The following GRIK3 variants were observed in gnomAD, a reference collection of about 807,000 sequenced individuals.
The protein encoded by GRIK3 is glutamate receptor ionotropic, kainate 3.
A neutral mutation model predicts 102.5 loss-of-function variants in GRIK3; 29 were observed. The observed-to-expected ratio is 0.28, with a 90% confidence interval of 0.21 to 0.39. The LOEUF is 0.39. Among genes scored for constraint, GRIK3 ranks in the 10% least tolerant of loss-of-function variants. The probability of loss-of-function intolerance (pLI) is 1.00; values close to 1 mark genes in which losing one functional copy is unlikely to be tolerated. For missense variants in GRIK3, 908 were observed against 1,252.4 expected (o/e 0.73, Z 4.15); for synonymous variants, 511 against 504.9 (o/e 1.01, Z -0.16).
chr1:36,880,673 T>C lies in GRIK3; in HGVS notation c.511A>G (p.Lys171Glu). 2 of 1,614,082 alleles carry C rather than the reference T, an allele frequency of 1.2e-6. No homozygotes were observed. Among genetic ancestry groups the C allele is most frequent in the Non-Finnish European group, 1.7e-6 (2 of 1,179,960 alleles). Residue 171 changes from lysine to glutamate, a missense_variant, in exon 3 of 16, where the codon AAG (lysine) becomes GAG (glutamate). By Grantham distance (56) the Lys-to-Glu change is moderately conservative (BLOSUM62 1). Coordinates refer to ENST00000373091, the MANE Select transcript of GRIK3 (RefSeq NM_000831.4). The surrounding 1 kb of genome is among the most constrained non-coding windows in gnomAD (Gnocchi z 5.4). ...HAILDLVQYL[K>E]WRSATVVYDD... is the part of the protein sequence containing the mutation. ...TAGACCACGGTGGCTGACCGCCACT[T>C]GAGGTACTGGACCAGGTCGAGGATG... is the stretch of plus-strand genomic sequence containing the variant.
At chr1:36,854,564 C>T (rs1473220811) in intron 7 of GRIK3, among the ~76,000 whole-genome samples, 2 of 152,160 alleles carry the variant, frequency 1.3e-5, no homozygotes, top group Admixed American at 1.3e-4. Context: ...CAACCTGGCC[C>T]CTGGCTGCTT....
Position 36,999,098 on chromosome 1 carries a change from A to G in GRIK3, c.115+34896T>C, listed in dbSNP as rs1642449673. Among the ~76,000 whole-genome samples the G allele has an allele frequency of 2.0e-5, 3 of 151,998 alleles. No individual in the cohort carries two copies. In the South Asian group the frequency reaches 6.2e-4, roughly 32 times the overall value. ...CTGGGAGGGTGGCTCAGGGGAACAG[A>G]TGGGGCATGGAGTAGAGTGGAAGGT... On this transcript the variant is annotated intron_variant, in intron 1 of 15. Coordinates refer to ENST00000373091, the MANE Select transcript of GRIK3 (RefSeq NM_000831.4).
At position 36,933,924 on chromosome 1, in the gene GRIK3, C is replaced by A. The variant is rs536846249; in HGVS notation, c.116-42828G>T. On this transcript the variant is annotated intron_variant, in intron 1 of 15. Transcript: ENST00000373091. The stretch of plus-strand genomic sequence containing the variant: ...TCCACTTGAGCATCTCGCCCCCCAC[C>A]ACCTCATCTTTATGCCCCACTGTGG... Among the ~76,000 whole-genome samples, 8 of 152,318 alleles carry A rather than the reference C, an allele frequency of 5.3e-5. No homozygotes were observed. The East Asian group carries it at 1.5e-3, about 29-fold the overall frequency.
At chr1:36,867,561 G>A (rs1014964402) in intron 5 of GRIK3, among the ~76,000 whole-genome samples, 3 of 152,140 alleles carry the variant, frequency 2.0e-5, no homozygotes, top group Non-Finnish European at 4.4e-5. Flanking sequence ...TCTGCCCATG[G>A]GTAGAGAGAA....
intron 1 of GRIK3, among the ~76,000 whole-genome samples, chr1:37,022,372 G>C (rs1048033449): frequency 1.3e-5 from 2 of 152,230 alleles, no homozygotes; most frequent in African/African-American, 4.8e-5. Flanking sequence ...AAGTGGGAAG[G>C]AGAGAGGGGT....
At chr1:36,979,167 A>T (rs1642223396) in intron 1 of GRIK3, among the ~76,000 whole-genome samples, 1 of 152,252 alleles carries the variant, frequency 6.6e-6, no homozygotes. Flanking sequence ...CCTCCAATTT[A>T]ATAGACCAGT....
intron 1 of GRIK3, among the ~76,000 whole-genome samples, chr1:36,977,147 G>T (rs1642204229): frequency 6.6e-6 from 1 of 152,206 alleles, no homozygotes; most frequent in Admixed American, 6.5e-5. Flanking sequence ...CCATTTGCCA[G>T]CTCAGTGCAA....
chr1:36,835,109 G>A (rs138680082), intron 10 of GRIK3, among the ~76,000 whole-genome samples: 2 of 152,322 alleles, frequency 1.3e-5, no homozygotes, highest in African/African-American at 4.8e-5. Context: ...GTCTGCCTGG[G>A]TCACCCTCAC....
At chr1:36,966,549 G>C (rs976372781) in intron 1 of GRIK3, among the ~76,000 whole-genome samples, 2 of 152,074 alleles carry the variant, frequency 1.3e-5, no homozygotes, top group Non-Finnish European at 2.9e-5. Flanking sequence ...GTTAGCGGGG[G>C]AGTGAAGGTG....
In GRIK3 at chr1:36,804,976, C is replaced by G. The variant is rs1248856791; in HGVS notation, c.2565+11G>C. On this transcript the variant is annotated intron_variant, in intron 15 of 15. Transcript: ENST00000373091. ...TCCCATCCTGTGCAGGCTCCAAGCT[C>G]TAAGGCTTACCTGCTCTCTCTCTGC... 6.2e-7 allele frequency: 1 copy of G among 1,614,046 alleles called. No individual in the cohort carries two copies. Among genetic ancestry groups the G allele is most frequent in the Middle Eastern group, 1.7e-4 (1 of 6,060 alleles).
chr1:36,855,159 G>C (rs1640636096), intron 7 of GRIK3, among the ~76,000 whole-genome samples: 1 of 152,222 alleles, frequency 6.6e-6, no homozygotes, highest in Non-Finnish European at 1.5e-5. Flanking sequence ...GAGAGGGTAG[G>C]GGAGGGAGGG....
chr1:36,999,101 G>T (rs186620094), intron 1 of GRIK3, among the ~76,000 whole-genome samples: 1 of 152,202 alleles, frequency 6.6e-6, no homozygotes, highest in African/African-American at 2.4e-5. Flanking sequence ...GGAACAGATG[G>T]GGCATGGAGT....
chr1:36,805,766 G>A (rs1014842368), intron 14 of GRIK3, among the ~76,000 whole-genome samples: 63 of 151,444 alleles, frequency 4.2e-4, no homozygotes, highest in African/African-American at 1.5e-3. Context: ...GAGAAACCCC[G>A]TCTCTACTAA....
chr1:36,820,440 A>C (rs1642683343), intron 11 of GRIK3, among the ~76,000 whole-genome samples: 1 of 152,240 alleles, frequency 6.6e-6, no homozygotes, highest in Admixed American at 6.5e-5. Flanking sequence ...ACTCCTAAAG[A>C]CATAACTATT....
intron 1 of GRIK3, among the ~76,000 whole-genome samples, chr1:36,900,013 T>A (rs1054360716): frequency 1.3e-5 from 2 of 152,148 alleles, no homozygotes; most frequent in African/African-American, 4.8e-5. Context: ...ATCAGTAAGG[T>A]TATAGTTAAA....
chr1:36,941,989 C>T (rs574771959), intron 1 of GRIK3, among the ~76,000 whole-genome samples: 3 of 152,254 alleles, frequency 2.0e-5, no homozygotes, highest in South Asian at 2.1e-4. Context: ...ATGGCACTAT[C>T]GTTAGAGAAA....
chr1:36,898,315 T>C (rs1220904330), intron 1 of GRIK3, among the ~76,000 whole-genome samples: 1 of 152,208 alleles, frequency 6.6e-6, no homozygotes, highest in Admixed American at 6.6e-5. Context: ...GATAAATACT[T>C]GAGGGGATGG....
At chr1:36,804,591 A>C in intron 15 of GRIK3, 1 of 356,250 alleles carries the variant, frequency 2.8e-6, no homozygotes, top group Non-Finnish European at 5.0e-6. Flanking sequence ...AGTATAATGA[A>C]ACCCTATGCA....
chr1:36,945,715 C>T (rs1038389924), intron 1 of GRIK3, among the ~76,000 whole-genome samples: 2 of 152,174 alleles, frequency 1.3e-5, no homozygotes, highest in Non-Finnish European at 2.9e-5. Flanking sequence ...ATGATCAGCA[C>T]GCTGTCCCTG....
Sources: allele counts gnomAD v4.1 joint callset (sites outside exome capture counted in the v4.1 genomes callset), GRCh38; gene constraint gnomAD v4.1.1; non-coding constraint Gnocchi (gnomAD v3.1); transcripts MANE v1.5; gene names NCBI Gene and HGNC (gene_info 2026-07-23, HGNC 2026-07-21).